The following LAMA3 variants were observed in gnomAD, a reference collection of about 807,000 sequenced individuals.
LAMA3 encodes laminin subunit alpha-3.
Under a neutral mutation model 402.0 loss-of-function variants are expected in LAMA3, and 281 were observed. The observed-to-expected ratio is 0.70, with a 90% CI of 0.63 to 0.77. The LOEUF is 0.77. Among genes scored for constraint, LAMA3 ranks in the 30% least tolerant of loss-of-function variants. The pLI is 0.00. For synonymous variants in LAMA3, 1,431 were observed against 1,558.4 expected (o/e 0.92, Z 1.93); for missense variants, 3,840 against 4,215.5 (o/e 0.91, Z 2.47).
At chr18:23,919,523 T>A (rs2081756977) in intron 60 of LAMA3, among the ~76,000 whole-genome samples, 1 of 152,180 alleles carries the variant, frequency 6.6e-6, no homozygotes, top group Non-Finnish European at 1.5e-5. Flanking sequence ...AAGAGCTGTA[T>A]CAAGGAAAAG....
At chr18:23,745,628 C>T (rs2143492487) in intron 2 of LAMA3, among the ~76,000 whole-genome samples, 1 of 152,300 alleles carries the variant, frequency 6.6e-6, no homozygotes, top group South Asian at 2.1e-4. Flanking sequence ...GTTACTTAAC[C>T]TCTCTAGGCC....
chr18:23,746,652 G>A (rs537256658), intron 2 of LAMA3, among the ~76,000 whole-genome samples: 26 of 152,146 alleles, frequency 1.7e-4, no homozygotes, highest in African/African-American at 6.0e-4. Flanking sequence ...TAAAATGTTT[G>A]TTATATTAAA....
chr18:23,708,522 C>T (rs1359726610), intron 1 of LAMA3, among the ~76,000 whole-genome samples: 1 of 152,068 alleles, frequency 6.6e-6, no homozygotes, highest in Non-Finnish European at 1.5e-5. Flanking sequence ...TCTGTTAATA[C>T]TGTTTAAAAT....
chr18:23,914,111 G>T (rs752042119), intron 56 of LAMA3, among the ~76,000 whole-genome samples: 2 of 152,162 alleles, frequency 1.3e-5, no homozygotes, highest in Non-Finnish European at 2.9e-5. Flanking sequence ...ACTAAAATCT[G>T]TTGGACGGCT....
intron 2 of LAMA3, among the ~76,000 whole-genome samples, chr18:23,734,543 T>A (rs1018326238): frequency 1.3e-5 from 2 of 152,224 alleles, no homozygotes; most frequent in Non-Finnish European, 2.9e-5. Flanking sequence ...GGAGTGTGCC[T>A]CTAACTATCC....
Position 23,914,420 on chromosome 18 carries a change from A to T in LAMA3, c.7340A>T (p.Asp2447Val). The T allele has an allele frequency of 6.2e-7, 1 of 1,614,140 alleles. No homozygotes were observed. The highest frequency in any genetic ancestry group is 1.1e-5 in the South Asian group (1 of 91,082). The change falls in exon 57 of 75, where the codon GAC (aspartate) becomes GTC (valine). Residue 2447 changes from aspartate (D) to valine (V), a missense_variant. Asp to Val is a radical substitution (Grantham distance 152). Coordinates refer to ENST00000313654, the MANE Select transcript of LAMA3 (RefSeq NM_198129.4). ...GCCCTTTGTCTCCAGGCCTCCCGGG[A>T]CTACATCGGCATGGCAGTTGTGGAT... ...MYLGNKDASR[D>V]YIGMAVVDGQ...
At chr18:23,899,090 T>A in intron 46 of LAMA3, 25 bp downstream of exon 46, 1 of 1,576,322 alleles carries the variant, frequency 6.3e-7, no homozygotes, top group African/African-American at 1.3e-5. Flanking sequence ...TAAGCCCAAT[T>A]ACATTTTTTT....
At chr18:23,920,127 G>T (rs570601209) in intron 60 of LAMA3, among the ~76,000 whole-genome samples, 8 of 152,192 alleles carry the variant, frequency 5.3e-5, no homozygotes, top group Non-Finnish European at 1.0e-4. Flanking sequence ...TGATGTATGT[G>T]TGTGCCCTGC....
intron 17 of LAMA3, 29 bp from the exon 18 acceptor site, chr18:23,816,359 T>C: frequency 6.3e-7 from 1 of 1,584,392 alleles, no homozygotes. Flanking sequence ...TGGTTTAAGG[T>C]ATAACTGCTG....
intron 31 of LAMA3, 106 bp from the exon 32 acceptor site, chr18:23,847,358 T>C: frequency 8.4e-7 from 1 of 1,183,764 alleles, no homozygotes; most frequent in Non-Finnish European, 1.2e-6. Context: ...CAAATATTTC[T>C]CTCTGACCCT....
chr18:23,790,674 A>G (rs535819357), intron 12 of LAMA3, among the ~76,000 whole-genome samples: 3 of 152,202 alleles, frequency 2.0e-5, no homozygotes, highest in Admixed American at 2.0e-4. Context: ...ACTCTCATTC[A>G]GCTAGAAACT....
Position 23,752,880 on chromosome 18 carries a change from C to G in LAMA3, c.856-841C>G, listed in dbSNP as rs1018663238. On this transcript the variant is annotated intron_variant, in intron 5 of 74. Transcript: ENST00000313654. Reference sequence around the variant, plus strand: ...TGCGAATTCAAAGACTTCTTGCTGACAGATATTCTTCTCACTGGCAGCATG... The same window carrying G: ...TGCGAATTCAAAGACTTCTTGCTGAGAGATATTCTTCTCACTGGCAGCATG... Among the ~76,000 whole-genome samples, 3 of 152,230 alleles carry G rather than the reference C, an allele frequency of 2.0e-5. No individual in the cohort carries two copies. In the South Asian group the frequency reaches 6.2e-4, roughly 31 times the overall value.
At chr18:23,730,554 A>T (rs1216488360) in intron 2 of LAMA3, among the ~76,000 whole-genome samples, 1 of 151,904 alleles carries the variant, frequency 6.6e-6, no homozygotes, top group African/African-American at 2.4e-5. Context: ...TTTTGTAGAG[A>T]TGGAGTTTCA....
At chr18:23,874,491 A>G (rs1390368823) in intron 38 of LAMA3, among the ~76,000 whole-genome samples, 2 of 152,216 alleles carry the variant, frequency 1.3e-5, no homozygotes, top group East Asian at 3.8e-4. Flanking sequence ...CTAATAGCTT[A>G]AAGGAACATT....
intron 1 of LAMA3, among the ~76,000 whole-genome samples, chr18:23,690,374 T>A (rs1255853091): frequency 6.6e-6 from 1 of 152,204 alleles, no homozygotes; most frequent in Non-Finnish European, 1.5e-5. Flanking sequence ...CGGGCCTTAT[T>A]CGGAGAAGTC....
At chr18:23,876,470 C>T in intron 39 of LAMA3, 63 bp downstream of exon 39, 2 of 1,097,190 alleles carry the variant, frequency 1.8e-6, no homozygotes, top group Non-Finnish European at 2.8e-6. Context: ...TTCCCCTGTA[C>T]TATGCCCAAA....
At chr18:23,770,225 A>G (rs2062165597) in intron 8 of LAMA3, among the ~76,000 whole-genome samples, 1 of 152,192 alleles carries the variant, frequency 6.6e-6, no homozygotes, top group South Asian at 2.1e-4. Flanking sequence ...AAAATTGACA[A>G]TTTAGATTTT....
chr18:23,927,972 A>C lies in LAMA3; in HGVS notation c.8178-151A>C, dbSNP rs1263187908. 3 of 702,918 alleles carry C rather than the reference A, an allele frequency of 4.3e-6. No homozygotes were observed. The East Asian group carries it at 7.7e-5, about 18-fold the overall frequency. 43.5% of individuals were successfully genotyped at this position (702,918 alleles called of 1,614,324 possible). A position where few individuals can be genotyped will look rare whatever the true frequency, so the allele number is the denominator to read the frequency against. On this transcript the variant is annotated intron_variant, in intron 62 of 74. Coordinates refer to ENST00000313654, the MANE Select transcript of LAMA3 (RefSeq NM_198129.4). ...TCAGTTCTCCCAGCATCATAAAATA[A>C]GTAGCATTATGGGAATCCCATGGGA...
chr18:23,850,775 A>G (rs2063925873), intron 32 of LAMA3, among the ~76,000 whole-genome samples: 1 of 152,244 alleles, frequency 6.6e-6, no homozygotes, highest in Non-Finnish European at 1.5e-5. Context: ...GATTCTCTGA[A>G]CATACAAAAG....
Sources: gnomAD v4.1 joint callset for allele counts (sites outside exome capture counted in the v4.1 genomes callset) on GRCh38, gnomAD v4.1.1 for gene constraint, MANE v1.5 for transcripts, NCBI Gene and HGNC (gene_info 2026-07-23, HGNC 2026-07-21) for gene names.